MRPL48: variants seen among roughly 807,000 people sequenced by gnomAD.
The protein encoded by MRPL48 is large ribosomal subunit protein mL48.
In MRPL48, 16 loss-of-function variants were observed where a neutral mutation model predicts 32.9. The observed-to-expected ratio is 0.49, with a 90% CI of 0.33 to 0.74. The LOEUF (loss-of-function observed/expected upper bound fraction) is 0.74, where lower values mean the gene tolerates loss of function less well. Among genes scored for constraint, MRPL48 ranks in the 30% least tolerant of loss-of-function variants. MRPL48 has a pLI of 0.02. For synonymous variants in MRPL48, 94 were observed against 89.2 expected (o/e 1.05, Z -0.31); for missense variants, 206 against 245.3 (o/e 0.84, Z 1.07).
chr11:73,820,816 C>G (rs1947766135), intron 3 of MRPL48, among the ~76,000 whole-genome samples: 1 of 128,292 alleles, frequency 7.8e-6, no homozygotes, highest in Non-Finnish European at 1.7e-5. Context: ...CTAGCTACTT[C>G]CCCCCCACTA....
At chr11:73,805,972 G>T (rs1947444340) in intron 2 of MRPL48, among the ~76,000 whole-genome samples, 1 of 151,996 alleles carries the variant, frequency 6.6e-6, no homozygotes, top group Non-Finnish European at 1.5e-5. Context: ...TCCAGTTTTT[G>T]CCTCATGCTT....
chr11:73,811,897 T>G (rs1947573667), intron 3 of MRPL48, among the ~76,000 whole-genome samples: 2 of 151,298 alleles, frequency 1.3e-5, no homozygotes, highest in Admixed American at 1.3e-4. Context: ...TTTCCCAGTC[T>G]TTTTTTTTGA....
chr11:73,825,602 TG>T, intron 3 of MRPL48, 105 bp from the exon 4 acceptor site: 1 of 954,798 alleles, frequency 1.0e-6, no homozygotes, highest in Non-Finnish European at 1.6e-6. Context: ...AGCTATGAGA[TG>T]GCATTACATC....
chr11:73,860,906 C>G (rs770673554), intron 6 of MRPL48, among the ~76,000 whole-genome samples: 55 of 152,178 alleles, frequency 3.6e-4, no homozygotes, highest in Admixed American at 9.2e-4. Flanking sequence ...AGCCACTAAT[C>G]TACTTTCTAT....
chr11:73,847,592 C>T (rs952805127), intron 5 of MRPL48, among the ~76,000 whole-genome samples: 4 of 152,142 alleles, frequency 2.6e-5, no homozygotes, highest in African/African-American at 7.2e-5. Flanking sequence ...AGGCGCCTGC[C>T]ACCATGCCCA....
intron 1 of MRPL48, among the ~76,000 whole-genome samples, chr11:73,794,281 C>A (rs1346672870): frequency 1.3e-5 from 2 of 151,714 alleles, no homozygotes; most frequent in Admixed American, 6.6e-5. Context: ...CAAGGCCGGG[C>A]ATGGTGGCTC....
In MRPL48 at chr11:73,788,006, C is replaced by A. The variant is rs754655040; in HGVS notation, c.21+14C>A. The A allele has an allele frequency of 6.4e-7, 1 of 1,555,942 alleles. No homozygotes were observed. On this transcript the variant is annotated intron_variant, in intron 1 of 7. Coordinates refer to ENST00000310614, the MANE Select transcript of MRPL48 (RefSeq NM_016055.6). Reference sequence around the variant, plus strand: ...ACCTTGGAAAAGGTAACGTAGATTCCACGCACGCGGGGCGCGGGGAGATGG... The same window carrying A: ...ACCTTGGAAAAGGTAACGTAGATTCAACGCACGCGGGGCGCGGGGAGATGG...
At chr11:73,839,810 A>G (rs1948159016) in intron 4 of MRPL48, among the ~76,000 whole-genome samples, 1 of 152,212 alleles carries the variant, frequency 6.6e-6, no homozygotes, top group African/African-American at 2.4e-5. Context: ...CTTAATTTCA[A>G]CTTCAGGCCT....
intron 1 of MRPL48, among the ~76,000 whole-genome samples, chr11:73,798,977 C>T (rs1947308733): frequency 7.6e-6 from 1 of 132,212 alleles, no homozygotes. Context: ...AGCAACAGTG[C>T]AAGACTCCCT....
Position 73,863,181 on chromosome 11 carries a change from T to C in MRPL48, c.484T>C (p.Leu162=). 6.3e-7 allele frequency: 1 copy of C among 1,582,690 alleles called. No individual in the cohort carries two copies. The highest frequency in any genetic ancestry group is 8.6e-7 in the Non-Finnish European group (1 of 1,164,148). ...THERVVQISG[L]SATFAEIFLE... ...TTCTTTCATTTTGCAGATCAGCGGTTTGAGTGCTACGTTTGCAGAAATTTT... is the reference window on the plus strand; with the variant it reads ...TTCTTTCATTTTGCAGATCAGCGGTCTGAGTGCTACGTTTGCAGAAATTTT... Residue 162 remains leucine (L), a synonymous_variant, in exon 7 of 8, where the codon TTG becomes CTG. Coordinates refer to ENST00000310614, the MANE Select transcript of MRPL48 (RefSeq NM_016055.6).
At chr11:73,850,513 C>CT in intron 5 of MRPL48, 1 of 359,738 alleles carries the variant, frequency 2.8e-6, no homozygotes, top group Non-Finnish European at 5.3e-6. Flanking sequence ...TATTAAACAC[C>CT]TTCCAGCCTT....
Position 73,825,632 on chromosome 11 carries a change from C to G in MRPL48, c.113-76C>G, listed in dbSNP as rs1590966075. On this transcript the variant is annotated intron_variant, in intron 3 of 7. Transcript: ENST00000310614. ...TTACATCCCAGCTTGGGTGACAGAG[C>G]AAGACCCTGTCTCTTAAAAAACAAC... is the stretch of plus-strand genomic sequence containing the variant. The G allele has an allele frequency of 6.2e-6, 8 of 1,298,566 alleles. No individual in the cohort carries two copies. In the East Asian group the frequency reaches 2.1e-4, roughly 34 times the overall value. 80.4% of individuals were successfully genotyped at this position (1,298,566 alleles called of 1,614,324 possible).
intron 4 of MRPL48, among the ~76,000 whole-genome samples, chr11:73,826,457 C>T (rs898068439): frequency 6.6e-6 from 1 of 152,016 alleles, no homozygotes; most frequent in African/African-American, 2.4e-5. Flanking sequence ...CTGATATTTT[C>T]AGCCATATAA....
intron 1 of MRPL48, among the ~76,000 whole-genome samples, chr11:73,790,431 C>T (rs1947130298): frequency 8.1e-6 from 1 of 122,734 alleles, no homozygotes; most frequent in Non-Finnish European, 1.6e-5. Context: ...GTCACCCAGG[C>T]TGGAGTGCAG....
At chr11:73,813,678 T>C (rs1044760513) in intron 3 of MRPL48, among the ~76,000 whole-genome samples, 1 of 152,294 alleles carries the variant, frequency 6.6e-6, no homozygotes, top group African/African-American at 2.4e-5. Context: ...TATATAGTTA[T>C]GTTTATTAAT....
At chr11:73,858,422 AG>A (rs1441469406) in intron 5 of MRPL48, among the ~76,000 whole-genome samples, 3 of 152,244 alleles carry the variant, frequency 2.0e-5, no homozygotes, top group Admixed American at 6.5e-5. Context: ...AAATTCAAAT[AG>A]GTAATAATTG....
chr11:73,840,246 A>G (rs935588297), intron 4 of MRPL48, among the ~76,000 whole-genome samples: 1 of 152,142 alleles, frequency 6.6e-6, no homozygotes, highest in Non-Finnish European at 1.5e-5. Flanking sequence ...TAATCCTAAT[A>G]CTTTGGGAGG....
At position 73,788,472 on chromosome 11, in the gene MRPL48, CTTTTTTTTTTT is replaced by C. The variant is rs11352308; in HGVS notation, c.21+492_21+502del. 5.4e-4 allele frequency among the ~76,000 whole-genome samples: 59 copies of C among 109,596 alleles called. 2 individuals carry two copies. Among genetic ancestry groups the C allele is most frequent in the South Asian group, 8.8e-4 (3 of 3,404 alleles). The allele number at this position is 109,596 out of a possible 152,430, so 71.9% of individuals were successfully genotyped here. A position where few individuals can be genotyped will look rare whatever the true frequency, so the allele number is the denominator to read the frequency against. The stretch of plus-strand genomic sequence containing the variant: ...AAACTAGGTTTTTGTTCTTTTCTTT[CTTTTTTTTTTT>C]TTTTTTTTTTTGACGGATTTCGCTC... On this transcript the variant is annotated intron_variant, in intron 1 of 7. Transcript: ENST00000310614.
chr11:73,819,043 C>T (rs1037825782), intron 3 of MRPL48, among the ~76,000 whole-genome samples: 2 of 152,168 alleles, frequency 1.3e-5, no homozygotes, highest in Non-Finnish European at 2.9e-5. Context: ...ATTGACATGA[C>T]ACAGGGGAAA....
Sources: gnomAD v4.1 joint callset for allele counts (sites outside exome capture counted in the v4.1 genomes callset) on GRCh38, gnomAD v4.1.1 for gene constraint, MANE v1.5 for transcripts, NCBI Gene and HGNC (gene_info 2026-07-23, HGNC 2026-07-21) for gene names.